KTN1: variants seen among roughly 807,000 people sequenced by gnomAD.
KTN1 encodes kinectin 1.
KTN1 carries 130 observed loss-of-function variants against 222.5 expected under a neutral mutation model. That is an observed-to-expected ratio of 0.58 (90% CI 0.51 to 0.68). The LOEUF is 0.68. Ranked by LOEUF, KTN1 falls within the 30% of genes least tolerant of loss-of-function variation. The pLI is 0.00. For synonymous variants in KTN1, 512 were observed against 496.3 expected (o/e 1.03, Z -0.42); for missense variants, 1,508 against 1,500.4 (o/e 1.01, Z -0.08).
intron 28 of KTN1, 69 bp from the exon 29 acceptor site, chr14:55,655,973 G>T: frequency 2.5e-6 from 2 of 799,814 alleles, no homozygotes; most frequent in East Asian, 2.7e-5. Context: ...TTTCTTAGGG[G>T]TGATATTGGA....
chr14:55,660,262 C>T (rs2043976786), intron 31 of KTN1, among the ~76,000 whole-genome samples: 1 of 151,840 alleles, frequency 6.6e-6, no homozygotes, highest in South Asian at 2.1e-4. Flanking sequence ...CCTGTGGTCC[C>T]AGCTACTCGG....
At chr14:55,605,303 G>C (rs548449222) in intron 1 of KTN1, among the ~76,000 whole-genome samples, 2 of 152,324 alleles carry the variant, frequency 1.3e-5, no homozygotes, top group East Asian at 3.9e-4. Context: ...TTGAGACGGA[G>C]TATTGCTCTG....
At chr14:55,656,177 T>C in intron 29 of KTN1, 45 bp downstream of exon 29, 2 of 1,311,342 alleles carry the variant, frequency 1.5e-6, no homozygotes, top group Non-Finnish European at 2.2e-6. Flanking sequence ...AATTATTGTC[T>C]TTGCATGCTT....
At chr14:55,646,516 TTTCCTTTCCTTTC>T (rs2042365129) in intron 18 of KTN1, among the ~76,000 whole-genome samples, 1 of 125,082 alleles carries the variant, frequency 8.0e-6, no homozygotes. Flanking sequence ...TTTCCTTTCC[TTTCCTTTCCTTTC>T]CTTTCCTTTC....
At chr14:55,634,429 A>G in intron 8 of KTN1, 97 bp from the exon 9 acceptor site, 4 of 1,098,714 alleles carry the variant, frequency 3.6e-6, no homozygotes, top group Admixed American at 5.8e-5. Context: ...AAATGGAACT[A>G]CTAGCTCAGC....
chr14:55,610,264 C>T (rs888937720), intron 1 of KTN1, among the ~76,000 whole-genome samples: 1 of 152,094 alleles, frequency 6.6e-6, no homozygotes, highest in African/African-American at 2.4e-5. Context: ...GCTGGAAGTC[C>T]TGGAGTACTG....
chr14:55,634,694 A>C, intron 9 of KTN1, 36 bp downstream of exon 9: 1 of 1,580,120 alleles, frequency 6.3e-7, no homozygotes, highest in East Asian at 2.3e-5. Flanking sequence ...CATTTCATGA[A>C]TAATATAGGC....
rs190860342 is a variant in KTN1 at position 55,661,459 on chromosome 14, G to A, written c.3000-63G>A. ...TTGTAATAGCAAATGTTGATAGGTA[G>A]GGATCTAAGTTGTATTACTGTTTAC... is the stretch of plus-strand genomic sequence containing the variant. On this transcript the variant is annotated intron_variant, in intron 31 of 43. Transcript: ENST00000395314. The A allele has an allele frequency of 2.5e-3, 1,978 of 803,874 alleles. 9 individuals are homozygous for A. The highest frequency in any genetic ancestry group is 2.4e-3 in the Non-Finnish European group (1,122 of 465,196). 49.8% of individuals were successfully genotyped at this position (803,874 alleles called of 1,614,324 possible). A position where few individuals can be genotyped will look rare whatever the true frequency, so the allele number is the denominator to read the frequency against.
intron 5 of KTN1, among the ~76,000 whole-genome samples, chr14:55,626,074 G>A (rs1242972330): frequency 6.6e-6 from 1 of 151,984 alleles, no homozygotes; most frequent in African/African-American, 2.4e-5. Flanking sequence ...TGCCTTTTCA[G>A]TCATTAGATT....
At position 55,629,994 on chromosome 14, in the gene KTN1, T is replaced by C. The variant is rs767368965; in HGVS notation, c.1118T>C (p.Ile373Thr). The C allele has an allele frequency of 1.9e-6, 3 of 1,602,838 alleles. No individual in the cohort carries two copies. Among genetic ancestry groups the C allele is most frequent in the South Asian group, 2.2e-5 (2 of 90,810 alleles). The change falls in exon 7 of 44, where the codon ATA becomes ACA. Residue 373 changes from isoleucine to threonine, a missense_variant. Ile to Thr is a moderately conservative substitution (Grantham distance 89). Coordinates refer to ENST00000395314, the MANE Select transcript of KTN1 (RefSeq NM_001079521.2). ...MTEKERSNVVITRMKDRIGTL... is the reference protein window; with the variant it reads ...MTEKERSNVVTTRMKDRIGTL... ...GAGAAAGAAAGAAGCAATGTGGTTA[T>C]AACAAGGATGAAAGATCGAATTGGA... is the stretch of plus-strand genomic sequence containing the variant.
intron 43 of KTN1, chr14:55,681,389 C>T (rs538352788): frequency 6.6e-6 from 1 of 152,310 alleles, no homozygotes; most frequent in African/African-American, 2.4e-5. Context: ...GATATTCTCT[C>T]TTTAGCATCT....
At chr14:55,602,928 C>T (rs77420254) in intron 1 of KTN1, among the ~76,000 whole-genome samples, 9,198 of 152,202 alleles carry the variant, frequency 0.06, 386 homozygotes, top group South Asian at 0.09. Flanking sequence ...CTTCTCATTT[C>T]GTAAAGAGAA....
At chr14:55,634,985 A>C (rs1161172145) in intron 9 of KTN1, among the ~76,000 whole-genome samples, 1 of 152,032 alleles carries the variant, frequency 6.6e-6, no homozygotes, top group East Asian at 1.9e-4. Context: ...TGATTCAGTT[A>C]CCTCCACGTG....
chr14:55,624,564 A>G (rs1220510169), intron 5 of KTN1, among the ~76,000 whole-genome samples: 2 of 152,192 alleles, frequency 1.3e-5, no homozygotes, highest in Non-Finnish European at 1.5e-5. Flanking sequence ...GAGTAGAAGA[A>G]AGGCTACAAT....
chr14:55,648,177 G>T, intron 20 of KTN1, 62 bp downstream of exon 20: 2 of 795,262 alleles, frequency 2.5e-6, no homozygotes, highest in Non-Finnish European at 4.0e-6. Context: ...GGATTTCTCT[G>T]TAATTTGTGT....
intron 4 of KTN1, among the ~76,000 whole-genome samples, chr14:55,618,928 A>T (rs1441388109): frequency 6.6e-6 from 1 of 152,112 alleles, no homozygotes; most frequent in Non-Finnish European, 1.5e-5. Context: ...TTTTAAAGTG[A>T]GGGTATATTG....
chr14:55,670,833 T>C lies in KTN1; in HGVS notation c.3348+24T>C, dbSNP rs368220684. The C allele has an allele frequency of 2.9e-4, 432 of 1,467,404 alleles. 1 individual carries two copies. The South Asian group carries it at 3.5e-3, about 12-fold the overall frequency. 90.9% of individuals were successfully genotyped at this position (1,467,404 alleles called of 1,614,324 possible). A position where few individuals can be genotyped will look rare whatever the true frequency, so the allele number is the denominator to read the frequency against. ...AGGTTAGTTCAGCAAATGAACTGTT[T>C]GTAATTTAAACATAGAAAAAAGAAG... is the stretch of plus-strand genomic sequence containing the variant. On this transcript the variant is annotated intron_variant, in intron 35 of 43. Coordinates refer to ENST00000395314, the MANE Select transcript of KTN1 (RefSeq NM_001079521.2).
intron 29 of KTN1, among the ~76,000 whole-genome samples, chr14:55,657,628 C>T (rs534955588): frequency 5.1e-4 from 78 of 151,876 alleles, no homozygotes; most frequent in Middle Eastern, 3.4e-3. Context: ...AAAATGTATT[C>T]GGCTGGGTGT....
chr14:55,663,941 C>G lies in KTN1; in HGVS notation c.3091-14C>G. 1 of 1,583,444 alleles carries G rather than the reference C, an allele frequency of 6.3e-7. No individual in the cohort carries two copies. Among genetic ancestry groups the G allele is most frequent in the Middle Eastern group, 1.7e-4 (1 of 6,010 alleles). On this transcript the variant is annotated splice_polypyrimidine_tract_variant and intron_variant, in intron 32 of 43. Coordinates refer to ENST00000395314, the MANE Select transcript of KTN1 (RefSeq NM_001079521.2). ...AATGGATAAACTGAAATCATTCTTTCTAAAAATGATTAGGACCTTCGGGAG... is the reference window on the plus strand; with the variant it reads ...AATGGATAAACTGAAATCATTCTTTGTAAAAATGATTAGGACCTTCGGGAG...
Sources: allele counts gnomAD v4.1 joint callset (sites outside exome capture counted in the v4.1 genomes callset), GRCh38; gene constraint gnomAD v4.1.1; transcripts MANE v1.5; gene names NCBI Gene and HGNC (gene_info 2026-07-23, HGNC 2026-07-21).